The following MIS18BP1 variants were observed in gnomAD, a reference collection of about 807,000 sequenced individuals.
MIS18BP1 encodes the protein MIS18 binding protein 1.
MIS18BP1 carries 72 observed loss-of-function variants against 116.1 expected under a neutral mutation model. The observed-to-expected ratio is 0.62, with a 90% CI of 0.51 to 0.75. The LOEUF (loss-of-function observed/expected upper bound fraction) is 0.75. Among genes scored for constraint, MIS18BP1 ranks in the 30% least tolerant of loss-of-function variants. The pLI, the probability that MIS18BP1 is intolerant of heterozygous loss-of-function variation, is 0.00. For missense variants in MIS18BP1, 1,363 were observed against 1,303.2 expected, an observed-to-expected ratio of 1.05 and a Z score of -0.71; for synonymous variants, 386 against 427.0, an observed-to-expected ratio of 0.90 and a Z score of 1.18.
intron 2 of MIS18BP1, among the ~76,000 whole-genome samples, chr14:45,245,662 C>A (rs372991447): frequency 2.0e-5 from 3 of 152,278 alleles, no homozygotes; most frequent in Middle Eastern, 3.4e-3. Flanking sequence ...CCGTGCCCGG[C>A]CGGCCTTTCT....
At chr14:45,222,719 T>A (rs569690044) in intron 11 of MIS18BP1, among the ~76,000 whole-genome samples, 11 of 152,194 alleles carry the variant, frequency 7.2e-5, no homozygotes, top group Non-Finnish European at 1.6e-4. Flanking sequence ...CTGGGTGGCA[T>A]AGAAGTTCAT....
At chr14:45,212,814 C>CACCCCAAG in intron 13 of MIS18BP1, among the ~76,000 whole-genome samples, 1 of 152,302 alleles carries the variant, frequency 6.6e-6, no homozygotes, top group African/African-American at 2.4e-5. Flanking sequence ...GCAGACAGCC[C>CACCCCAAG]GCCCCAAGGT....
intron 2 of MIS18BP1, among the ~76,000 whole-genome samples, chr14:45,245,664 G>A (rs565264653): frequency 2.0e-5 from 3 of 152,060 alleles, no homozygotes; most frequent in South Asian, 4.1e-4. Flanking sequence ...GTGCCCGGCC[G>A]GCCTTTCTAC....
intron 11 of MIS18BP1, among the ~76,000 whole-genome samples, chr14:45,220,545 GTGTGTA>G (rs1052566526): frequency 6.6e-6 from 1 of 152,046 alleles, no homozygotes; most frequent in Non-Finnish European, 1.5e-5. Flanking sequence ...TCATTTAAAA[GTGTGTA>G]GCACACTTTT....
chr14:45,224,085 T>G lies in MIS18BP1; in HGVS notation c.2502A>C (p.Lys834Asn). 1 of 1,612,542 alleles carries G rather than the reference T, an allele frequency of 6.2e-7. No individual in the cohort carries two copies. The highest frequency in any genetic ancestry group is 1.1e-5 in the South Asian group (1 of 90,594). ...SENEFYIKQK[K>N]ARPSVKETLQ... The stretch of plus-strand genomic sequence containing the variant: ...GAGTTTCTTTGACGGAAGGTCTAGC[T>G]TTCTTTTGTTTGATATAAAATTCAT... The change falls in exon 11 of 17, where the codon AAA becomes AAC. Residue 834 changes from lysine (K) to asparagine (N), a missense_variant. Transcript: ENST00000310806.
intron 8 of MIS18BP1, among the ~76,000 whole-genome samples, chr14:45,229,147 G>T (rs1279682482): frequency 6.6e-6 from 1 of 151,678 alleles, no homozygotes; most frequent in Non-Finnish European, 1.5e-5. Context: ...GGGGTGGGGG[G>T]AATCATGCCT....
chr14:45,234,746 G>A (rs1891377096), intron 6 of MIS18BP1, among the ~76,000 whole-genome samples: 1 of 152,152 alleles, frequency 6.6e-6, no homozygotes, highest in African/African-American at 2.4e-5. Context: ...AGACTACTTG[G>A]ATGTGTTTTT....
intron 13 of MIS18BP1, among the ~76,000 whole-genome samples, chr14:45,212,815 G>C (rs2145148): frequency 6.6e-6 from 1 of 152,200 alleles, no homozygotes; most frequent in African/African-American, 2.4e-5. Flanking sequence ...CAGACAGCCC[G>C]CCCCAAGGTT....
Position 45,246,967 on chromosome 14 carries a change from T to C in MIS18BP1, c.320A>G (p.Asn107Ser). 6.2e-7 allele frequency: 1 copy of C among 1,609,260 alleles called. No homozygotes were observed. Among genetic ancestry groups the C allele is most frequent in the Non-Finnish European group, 8.5e-7 (1 of 1,178,910 alleles). ...AAATATTTTTCCTGGTGATTCATAG[T>C]TTGCTTTATTTTTTAATCCATCCTT... ...PNKDGLKNKA[N>S]YESPGKIFLR... The change falls in exon 2 of 17, where the codon AAC becomes AGC. Residue 107 changes from asparagine to serine, a missense_variant. Asn to Ser is a conservative substitution (Grantham distance 46). Transcript: ENST00000310806.
chr14:45,221,881 G>T (rs1890986684), intron 11 of MIS18BP1, among the ~76,000 whole-genome samples: 1 of 152,142 alleles, frequency 6.6e-6, no homozygotes, highest in Non-Finnish European at 1.5e-5. Context: ...AGTTTAGTCC[G>T]CTGCTTTCAC....
chr14:45,204,949 C>T (rs2139132498), intron 15 of MIS18BP1, among the ~76,000 whole-genome samples: 1 of 151,942 alleles, frequency 6.6e-6, no homozygotes, highest in Non-Finnish European at 1.5e-5. Flanking sequence ...TGTTTTATAC[C>T]AGCAGAATTT....
intron 7 of MIS18BP1, among the ~76,000 whole-genome samples, chr14:45,232,289 C>T (rs763120870): frequency 1.6e-4 from 25 of 151,702 alleles, no homozygotes; most frequent in Admixed American, 1.2e-3. Context: ...TGGTGGCGGG[C>T]GCCTGTAGTC....
At chr14:45,218,220 AT>A in intron 12 of MIS18BP1, 61 bp downstream of exon 12, 1 of 1,470,232 alleles carries the variant, frequency 6.8e-7, no homozygotes, top group Non-Finnish European at 9.3e-7. Flanking sequence ...AATATATCTG[AT>A]TTCAGTGATC....
At chr14:45,206,421 G>T in intron 14 of MIS18BP1, 1 of 348,078 alleles carries the variant, frequency 2.9e-6, no homozygotes. Context: ...CAAGTAGCTT[G>T]GACTACAGGC....
intron 4 of MIS18BP1, among the ~76,000 whole-genome samples, chr14:45,239,684 G>A (rs1020431601): frequency 1.1e-4 from 17 of 152,272 alleles, no homozygotes; most frequent in South Asian, 1.0e-3. Context: ...GTAGAGATGA[G>A]ACTATATGAA....
intron 8 of MIS18BP1, among the ~76,000 whole-genome samples, chr14:45,228,475 C>A (rs2139195773): frequency 6.6e-6 from 1 of 152,208 alleles, no homozygotes; most frequent in Admixed American, 6.5e-5. Flanking sequence ...TGTTCTTCTT[C>A]TATTTCTTCA....
chr14:45,243,020 A>G, intron 2 of MIS18BP1, 146 bp from the exon 3 acceptor site: 2 of 520,806 alleles, frequency 3.8e-6, no homozygotes, highest in South Asian at 3.4e-5. Context: ...TGACAGTTAC[A>G]TATATTTTTA....
intron 11 of MIS18BP1, among the ~76,000 whole-genome samples, chr14:45,219,834 C>T (rs933765307): frequency 1.3e-5 from 2 of 152,134 alleles, no homozygotes; most frequent in Admixed American, 1.3e-4. Flanking sequence ...CTACGACTGT[C>T]TAAAATAACT....
At position 45,242,360 on chromosome 14, in the gene MIS18BP1, C is replaced by G; in HGVS notation, c.817G>C (p.Val273Leu). 1 of 1,613,990 alleles carries G rather than the reference C, an allele frequency of 6.2e-7. No homozygotes were observed. The highest frequency in any genetic ancestry group is 8.5e-7 in the Non-Finnish European group (1 of 1,179,946). The change falls in exon 4 of 17, where the codon GTT (valine) becomes CTT (leucine). Residue 273 changes from valine to leucine, a missense_variant. By Grantham distance (32) the Val-to-Leu change is conservative. Coordinates refer to ENST00000310806, the MANE Select transcript of MIS18BP1 (RefSeq NM_018353.5). ...TGAAATTGTTCATCAGCAGAATCAACGCTTTCTAAAACAAACGTGTCCTTT... is the reference window on the plus strand; with the variant it reads ...TGAAATTGTTCATCAGCAGAATCAAGGCTTTCTAAAACAAACGTGTCCTTT... Reference protein sequence around the residue: ...SKKDTFVLESVDSADEQFQNT... With the variant: ...SKKDTFVLESLDSADEQFQNT...
Sources: gnomAD v4.1 joint callset for allele counts (sites outside exome capture counted in the v4.1 genomes callset) on GRCh38, gnomAD v4.1.1 for gene constraint, MANE v1.5 for transcripts, NCBI Gene and HGNC (gene_info 2026-07-23, HGNC 2026-07-21) for gene names.